Variants in STARD13 observed in about 807,000 individuals in gnomAD.
The protein encoded by STARD13 is stAR-related lipid transfer protein 13.
In STARD13, 62 loss-of-function variants were observed where a neutral mutation model predicts 106.4. The ratio of observed to expected loss-of-function variants is 0.58; its 90% confidence interval spans 0.48 to 0.72. The LOEUF (loss-of-function observed/expected upper bound fraction) is 0.72. Ranked by LOEUF, STARD13 falls within the 30% of genes least tolerant of loss-of-function variation. The probability of loss-of-function intolerance (pLI) is 0.00; values close to 1 mark genes in which losing one functional copy is unlikely to be tolerated. For synonymous variants in STARD13, 565 were observed against 553.0 expected (o/e 1.02, Z -0.31); for missense variants, 1,387 against 1,424.0 (o/e 0.97, Z 0.42).
At chr13:33,615,169 G>A in the STARD13 span, among the ~76,000 whole-genome samples, 19 of 152,228 alleles carry the variant, frequency 1.2e-4, no homozygotes, top group South Asian at 8.3e-4. Context: ...AAAGCAATCC[G>A]CAAAAACCCC....
chr13:33,663,307 T>A, the STARD13 span, among the ~76,000 whole-genome samples: 1 of 152,104 alleles, frequency 6.6e-6, no homozygotes, highest in Non-Finnish European at 1.5e-5. Flanking sequence ...TAAAGATACT[T>A]AAAAGATCCA....
At chr13:33,308,009 A>G (rs1253056474) in intron 1 of STARD13, among the ~76,000 whole-genome samples, 10 of 152,136 alleles carry the variant, frequency 6.6e-5, no homozygotes, top group Non-Finnish European at 5.9e-5. Flanking sequence ...GTTTCATTCC[A>G]TCATTGGATT....
At chr13:33,123,096 A>C (rs2138129910) in intron 7 of STARD13, among the ~76,000 whole-genome samples, 1 of 150,388 alleles carries the variant, frequency 6.6e-6, no homozygotes, top group East Asian at 2.0e-4. Context: ...ACTCAAGGAT[A>C]ATTTCACTGG....
At chr13:33,172,598 T>C (rs1884094417) in intron 1 of STARD13, among the ~76,000 whole-genome samples, 1 of 152,208 alleles carries the variant, frequency 6.6e-6, no homozygotes, top group Non-Finnish European at 1.5e-5. Flanking sequence ...CTGGTGTGTC[T>C]AGCGTGCTTC....
At chr13:33,331,159 T>C (rs1163717635) in intron 1 of STARD13, among the ~76,000 whole-genome samples, 1 of 152,152 alleles carries the variant, frequency 6.6e-6, no homozygotes, top group Non-Finnish European at 1.5e-5. Flanking sequence ...ACTGGCTCTT[T>C]TTCTTGCACT....
intron 4 of STARD13, among the ~76,000 whole-genome samples, chr13:33,134,216 GGAA>G (rs10577893): frequency 0.33 from 49,431 of 151,826 alleles, 8,713 homozygotes; most frequent in Non-Finnish European, 0.41. Context: ...GGGCCATATT[GGAA>G]GAAGAAGAAT....
the STARD13 span, among the ~76,000 whole-genome samples, chr13:33,534,999 T>C: frequency 6.6e-6 from 1 of 151,770 alleles, no homozygotes; most frequent in African/African-American, 2.4e-5. Flanking sequence ...GCGGATCACC[T>C]GAGGTCAGGA....
intron 8 of STARD13, among the ~76,000 whole-genome samples, chr13:33,114,714 A>C (rs1260294656): frequency 6.6e-6 from 1 of 152,126 alleles, no homozygotes; most frequent in Non-Finnish European, 1.5e-5. Context: ...TTTCCATGCC[A>C]ACATTTTTTC....
chr13:33,235,758 A>T (rs2138227502), intron 1 of STARD13, among the ~76,000 whole-genome samples: 1 of 152,332 alleles, frequency 6.6e-6, no homozygotes, highest in South Asian at 2.1e-4. Flanking sequence ...TCCCCTCCAG[A>T]CTTCCTAAAT....
At chr13:33,507,234 A>G in the STARD13 span, among the ~76,000 whole-genome samples, 2 of 152,220 alleles carry the variant, frequency 1.3e-5, no homozygotes, top group African/African-American at 4.8e-5. Flanking sequence ...ATTAAGTCAG[A>G]TATTACAGAA....
intron 1 of STARD13, among the ~76,000 whole-genome samples, chr13:33,231,503 T>G (rs1020639403): frequency 1.3e-5 from 2 of 152,086 alleles, no homozygotes; most frequent in Non-Finnish European, 2.9e-5. Context: ...GAACCCTACA[T>G]TATGAATGAG....
At chr13:33,618,360 T>C in the STARD13 span, among the ~76,000 whole-genome samples, 2 of 152,232 alleles carry the variant, frequency 1.3e-5, no homozygotes, top group African/African-American at 2.4e-5. Context: ...ACTTGCATTT[T>C]AGTGGGAGTG....
At chr13:33,492,175 C>T in the STARD13 span, among the ~76,000 whole-genome samples, 1 of 152,136 alleles carries the variant, frequency 6.6e-6, no homozygotes. Flanking sequence ...CTTTGTGATT[C>T]TTCAGTTACT....
chr13:33,641,961 C>G, the STARD13 span, among the ~76,000 whole-genome samples: 1 of 152,200 alleles, frequency 6.6e-6, no homozygotes, highest in South Asian at 2.1e-4. Flanking sequence ...TATTGCATAA[C>G]AATGATAGAT....
At chr13:33,164,732 G>C (rs574159707) in intron 3 of STARD13, among the ~76,000 whole-genome samples, 1 of 152,122 alleles carries the variant, frequency 6.6e-6, no homozygotes, top group Non-Finnish European at 1.5e-5. Context: ...AAGATAATAC[G>C]TTGTTTTAAG....
the STARD13 span, among the ~76,000 whole-genome samples, chr13:33,663,585 A>G: frequency 2.6e-5 from 4 of 152,226 alleles, no homozygotes; most frequent in African/African-American, 9.6e-5. Flanking sequence ...ATTATGTTAA[A>G]ATAGTAGGAA....
the STARD13 span, among the ~76,000 whole-genome samples, chr13:33,363,786 C>G: frequency 5.9e-5 from 9 of 152,222 alleles, no homozygotes; most frequent in African/African-American, 2.2e-4. Flanking sequence ...ATGTCTGCAT[C>G]CCTAGTAGTG....
chr13:33,282,796 G>GT (rs1326716077), intron 1 of STARD13, among the ~76,000 whole-genome samples: 1 of 152,176 alleles, frequency 6.6e-6, no homozygotes. Flanking sequence ...TGAGGCTGAG[G>GT]TAGGAAGATC....
At chr13:33,571,958 A>G in the STARD13 span, among the ~76,000 whole-genome samples, 5 of 152,194 alleles carry the variant, frequency 3.3e-5, no homozygotes, top group South Asian at 2.1e-4. Flanking sequence ...TGCTAGGCCA[A>G]TGTCCTCAGG....
Sources: gnomAD v4.1 joint callset for allele counts (sites outside exome capture counted in the v4.1 genomes callset) on GRCh38, gnomAD v4.1.1 for gene constraint, MANE v1.5 for transcripts, NCBI Gene and HGNC (gene_info 2026-07-23, HGNC 2026-07-21) for gene names.